The following TDP1 variants were observed in gnomAD, a reference collection of about 807,000 sequenced individuals.
TDP1 encodes tyr-DNA phosphodiesterase 1.
A neutral mutation model predicts 81.5 loss-of-function variants in TDP1; 64 were observed. The ratio of observed to expected loss-of-function variants is 0.79; its 90% CI spans 0.64 to 0.97. The LOEUF is 0.97. TDP1 is among the 50% of genes least tolerant of loss of function. The probability of loss-of-function intolerance (pLI) is 0.00; values close to 1 mark genes in which losing one functional copy is unlikely to be tolerated. For missense variants in TDP1, 723 were observed against 743.8 expected (o/e 0.97, Z 0.33); for synonymous variants, 256 against 264.3 (o/e 0.97, Z 0.30).
At chr14:90,025,023 A>G (rs1886490527) in intron 15 of TDP1, among the ~76,000 whole-genome samples, 2 of 152,228 alleles carry the variant, frequency 1.3e-5, no homozygotes, top group Non-Finnish European at 2.9e-5. Context: ...CACCACCCAC[A>G]TGTCTGAGGT....
chr14:90,010,085 A>G lies in TDP1; in HGVS notation c.1542-9231A>G, dbSNP rs577030373. Among the ~76,000 whole-genome samples, 29 of 152,346 alleles carry G rather than the reference A, an allele frequency of 1.9e-4. No individual in the cohort carries two copies. The South Asian group carries it at 5.6e-3, about 29-fold the overall frequency. On this transcript the variant is annotated intron_variant, in intron 14 of 16. Coordinates refer to ENST00000335725, the MANE Select transcript of TDP1 (RefSeq NM_018319.4). Reference sequence around the variant, plus strand: ...GTAGGCAAGATTTAGTACATAAGACATAAAATGCACTTGCAAGAAAAGATT... The same window carrying G: ...GTAGGCAAGATTTAGTACATAAGACGTAAAATGCACTTGCAAGAAAAGATT...
chr14:89,976,527 CTTTTTTTTTTT>C lies in TDP1; in HGVS notation c.791+730_791+740del, dbSNP rs35744477. Among the ~76,000 whole-genome samples, 333 of 88,762 alleles carry C rather than the reference CTTTTTTTTTTT, an allele frequency of 3.8e-3. 4 individuals carry two copies. Among genetic ancestry groups the C allele is most frequent in the African/African-American group, 0.015 (294 of 20,054 alleles). 58.2% of individuals were successfully genotyped at this position (88,762 alleles called of 152,430 possible). On this transcript the variant is annotated intron_variant, in intron 7 of 16. Coordinates refer to ENST00000335725, the MANE Select transcript of TDP1 (RefSeq NM_018319.4). Reference sequence around the variant, plus strand: ...TTTGCAGGTTAAACTCAACAGAGCTCTTTTTTTTTTTTTTTTTTTTTTTTTTTTAGACAGAG... The same window carrying C: ...TTTGCAGGTTAAACTCAACAGAGCTCTTTTTTTTTTTTTTTTTAGACAGAG...
intron 14 of TDP1, among the ~76,000 whole-genome samples, chr14:90,014,059 G>T (rs533878779): frequency 3.9e-5 from 6 of 152,146 alleles, no homozygotes; most frequent in Non-Finnish European, 8.8e-5. Context: ...AGTAATCAGA[G>T]AAGTCAAATA....
At chr14:90,037,303 T>C (rs542946365) in intron 16 of TDP1, among the ~76,000 whole-genome samples, 2 of 152,316 alleles carry the variant, frequency 1.3e-5, no homozygotes, top group Non-Finnish European at 2.9e-5. Flanking sequence ...TGTTATCTTA[T>C]ATGCTATCTA....
intron 2 of TDP1, among the ~76,000 whole-genome samples, chr14:89,958,025 G>A (rs1407138092): frequency 6.6e-6 from 1 of 152,184 alleles, no homozygotes; most frequent in Non-Finnish European, 1.5e-5. Context: ...AAGCCTGGAG[G>A]CCCGGCTGGC....
chr14:89,998,410 A>ATG (rs1566891155), intron 14 of TDP1, among the ~76,000 whole-genome samples: 44 of 105,820 alleles, frequency 4.2e-4, no homozygotes, highest in African/African-American at 2.0e-3. Flanking sequence ...ATATATATAT[A>ATG]TATATATATA....
At position 89,985,159 on chromosome 14, in the gene TDP1, A is replaced by G; in HGVS notation, c.1080A>G (p.Gly360=). 1 of 1,611,754 alleles carries G rather than the reference A, an allele frequency of 6.2e-7. No individual in the cohort carries two copies. Among genetic ancestry groups the G allele is most frequent in the Non-Finnish European group, 8.5e-7 (1 of 1,178,864 alleles). The change falls in exon 10 of 17, where the codon GGA becomes GGG. Residue 360 remains glycine (G), a synonymous_variant. Coordinates refer to ENST00000335725, the MANE Select transcript of TDP1 (RefSeq NM_018319.4). The part of the protein sequence containing the change: ...TNVYLIGSTP[G]RFQGSQKDNW... The stretch of plus-strand genomic sequence containing the variant: ...TTTATCTTATTGGTTCAACCCCAGG[A>G]CGCTTTCAAGGAAGTCAAAAAGATA...
chr14:90,009,941 GA>G (rs909362249), intron 14 of TDP1, among the ~76,000 whole-genome samples: 3 of 150,906 alleles, frequency 2.0e-5, no homozygotes, highest in African/African-American at 7.3e-5. Context: ...ATTGATGCAG[GA>G]AAAAAAAACC....
At chr14:89,962,137 G>C (rs902741022) in intron 2 of TDP1, among the ~76,000 whole-genome samples, 5 of 152,148 alleles carry the variant, frequency 3.3e-5, no homozygotes, top group Admixed American at 3.3e-4. Flanking sequence ...TGTTGCTTCA[G>C]TACAAGTTAT....
intron 14 of TDP1, among the ~76,000 whole-genome samples, chr14:90,008,661 A>C (rs1445259058): frequency 6.6e-6 from 1 of 152,128 alleles, no homozygotes; most frequent in Non-Finnish European, 1.5e-5. Context: ...ATTATTAGCA[A>C]ATTTGTTTTA....
At chr14:90,019,791 G>T (rs1885752301) in intron 15 of TDP1, among the ~76,000 whole-genome samples, 1 of 152,218 alleles carries the variant, frequency 6.6e-6, no homozygotes, top group Admixed American at 6.5e-5. Flanking sequence ...GGGGTGACTG[G>T]AGGATGAAGT....
chr14:89,986,846 A>G (rs1313974270), intron 10 of TDP1: 1 of 151,658 alleles, frequency 6.6e-6, no homozygotes, highest in African/African-American at 2.4e-5. Context: ...GTTAAGGAAA[A>G]TAATACATAT....
chr14:89,976,554 T>TTTTTTTTTTTTTTTG (rs1566862561), intron 7 of TDP1, among the ~76,000 whole-genome samples: 2 of 141,846 alleles, frequency 1.4e-5, no homozygotes, highest in African/African-American at 5.4e-5. Flanking sequence ...TTTTTTTTTT[T>TTTTTTTTTTTTTTTG]TAGACAGAGT....
At chr14:89,997,262 TGGTGACTGGCCA>T (rs1029285912) in intron 14 of TDP1, among the ~76,000 whole-genome samples, 16 of 152,204 alleles carry the variant, frequency 1.1e-4, no homozygotes, top group Non-Finnish European at 2.1e-4. Context: ...CAGCATACCC[TGGTGACTGGCCA>T]GGTGCCTGAC....
At chr14:89,993,299 T>TTC in intron 13 of TDP1, 77 bp from the exon 14 acceptor site, 1 of 1,339,276 alleles carries the variant, frequency 7.5e-7, no homozygotes, top group Non-Finnish European at 1.0e-6. Context: ...GCTCTTTGTT[T>TTC]TCATGCAGTT....
In TDP1 at chr14:90,006,778, A is replaced by G. The variant is rs557542402; in HGVS notation, c.1542-12538A>G. On this transcript the variant is annotated intron_variant, in intron 14 of 16. Transcript: ENST00000335725. ...GGTCTCGAACTCCTGACCTCAGGTG[A>G]TCCGCCCACCTCAGCCTCCCAAAGT... is the stretch of plus-strand genomic sequence containing the variant. Among the ~76,000 whole-genome samples the G allele has an allele frequency of 2.6e-5, 4 of 152,280 alleles. No individual in the cohort carries two copies. The East Asian group carries it at 7.7e-4, about 29-fold the overall frequency.
chr14:89,963,327 T>G lies in TDP1; in HGVS notation c.213T>G (p.Val71=). Residue 71 remains valine, a synonymous_variant, in exon 3 of 17, where the codon GTT becomes GTG. Coordinates refer to ENST00000335725, the MANE Select transcript of TDP1 (RefSeq NM_018319.4). ...TGAAATTCAGCAATACAGATTCAGT[T>G]TTACCTCCCAAAAGGCAGAAAAGCG... ...SPVKFSNTDS[V]LPPKRQKSGS... The G allele has an allele frequency of 6.2e-7, 1 of 1,614,090 alleles. No homozygotes were observed. The highest frequency in any genetic ancestry group is 8.5e-7 in the Non-Finnish European group (1 of 1,180,016).
At chr14:89,973,189 C>T (rs35787421) in intron 6 of TDP1, among the ~76,000 whole-genome samples, 1 of 152,114 alleles carries the variant, frequency 6.6e-6, no homozygotes, top group African/African-American at 2.4e-5. Context: ...GCCTTTGCTT[C>T]GCAGTTGCCA....
Position 89,963,647 on chromosome 14 carries a change from A to G in TDP1, c.533A>G (p.Tyr178Cys). 6.2e-7 allele frequency: 1 copy of G among 1,614,058 alleles called. No homozygotes were observed. The highest frequency in any genetic ancestry group is 8.5e-7 in the Non-Finnish European group (1 of 1,179,940). Residue 178 changes from tyrosine (Y) to cysteine (C), a missense_variant, in exon 3 of 17, where the codon TAT becomes TGT. Tyr to Cys is a radical substitution (Grantham distance 194). Transcript: ENST00000335725. The part of the protein sequence containing the change: ...LTRVSGVKPK[Y>C]NSGALHIKDI... Reference sequence around the variant, plus strand: ...AGAGTCTCTGGAGTTAAGCCAAAGTATAACTCTGGAGCCCTCCACATCAAG... The same window carrying G: ...AGAGTCTCTGGAGTTAAGCCAAAGTGTAACTCTGGAGCCCTCCACATCAAG...
Sources: allele counts gnomAD v4.1 joint callset (sites outside exome capture counted in the v4.1 genomes callset), GRCh38; gene constraint gnomAD v4.1.1; transcripts MANE v1.5; gene names NCBI Gene and HGNC (gene_info 2026-07-23, HGNC 2026-07-21).